Variants in CDK12 observed in about 807,000 individuals in gnomAD.
The protein encoded by CDK12 is cyclin-dependent kinase 12.
CDK12 carries 17 observed loss-of-function variants against 133.8 expected under a neutral mutation model. The observed-to-expected ratio is 0.13, with a 90% CI of 0.09 to 0.19. The LOEUF (loss-of-function observed/expected upper bound fraction) is 0.19. Ranked by LOEUF, CDK12 falls within the 10% of genes least tolerant of loss-of-function variation. The pLI is 1.00. For synonymous variants in CDK12, 694 were observed against 683.6 expected, an observed-to-expected ratio of 1.02 and a Z score of -0.24; for missense variants, 1,508 against 1,818.7, an observed-to-expected ratio of 0.83 and a Z score of 3.11.
intron 2 of CDK12, among the ~76,000 whole-genome samples, chr17:39,485,407 C>CA (rs1261851761): frequency 6.0e-5 from 8 of 133,068 alleles, no homozygotes; most frequent in Admixed American, 2.4e-4. Context: ...GCATCCCCCC[C>CA]CTTTTTTTTT....
intron 1 of CDK12, among the ~76,000 whole-genome samples, chr17:39,464,707 C>G (rs770089740): frequency 6.6e-6 from 1 of 151,558 alleles, no homozygotes; most frequent in African/African-American, 2.4e-5. Context: ...TAGTGAACAC[C>G]CATATATGTA....
intron 6 of CDK12, among the ~76,000 whole-genome samples, chr17:39,505,227 C>CAA (rs149103539): frequency 2.3e-4 from 11 of 47,584 alleles, no homozygotes; most frequent in African/African-American, 5.9e-4. Flanking sequence ...GACTCCGTTT[C>CAA]AAAAAAAAAA....
upstream of CDK12, among the ~76,000 whole-genome samples, chr17:39,547,133 T>TTC (rs2055749939): frequency 6.8e-6 from 1 of 146,110 alleles, no homozygotes; most frequent in African/African-American, 2.6e-5. Flanking sequence ...ACTAGGATTT[T>TTC]TTTTTTTTTT....
chr17:39,478,835 A>G (rs752515486), intron 2 of CDK12, among the ~76,000 whole-genome samples: 1 of 152,066 alleles, frequency 6.6e-6, no homozygotes, highest in Non-Finnish European at 1.5e-5. Flanking sequence ...AGAAAATGAG[A>G]TGAGGATGTC....
chr17:39,505,127 G>A (rs1365147524), intron 6 of CDK12, among the ~76,000 whole-genome samples: 2 of 151,194 alleles, frequency 1.3e-5, no homozygotes, highest in Non-Finnish European at 2.9e-5. Flanking sequence ...TACTTGGGAG[G>A]CTGAGGCAGC....
chr17:39,520,203 G>A (rs1567773394), intron 11 of CDK12, 116 bp downstream of exon 11: 5 of 1,080,060 alleles, frequency 4.6e-6, no homozygotes, highest in Non-Finnish European at 4.0e-6. Flanking sequence ...GTGTCTTTGA[G>A]TATTATGGTT....
chr17:39,559,857 T>TAAAAAAAAAAAAAAAAAAAAGAA (rs56017248), intron 3 of CDK12, among the ~76,000 whole-genome samples: 2 of 133,964 alleles, frequency 1.5e-5, no homozygotes, highest in Non-Finnish European at 3.1e-5. Flanking sequence ...GAAAAAATGT[T>TAAAAAAAAAAAAAAAAAAAAGAA]AAAAAAAAAA....
chr17:39,472,770 T>C lies in CDK12; in HGVS notation c.1931+1007T>C, dbSNP rs189191617. Reference sequence around the variant, plus strand: ...TTTAACATTGACTTAGTAACATCAATAGTTATATAAATAACATGCTATCGG... The same window carrying C: ...TTTAACATTGACTTAGTAACATCAACAGTTATATAAATAACATGCTATCGG... On this transcript the variant is annotated intron_variant, in intron 2 of 13. Coordinates refer to ENST00000447079, the MANE Select transcript of CDK12 (RefSeq NM_016507.4). Among the ~76,000 whole-genome samples the C allele has an allele frequency of 2.7e-3, 414 of 152,104 alleles. 1 individual carries two copies. The highest frequency in any genetic ancestry group is 6.8e-3 in the Middle Eastern group (2 of 294).
intron 1 of CDK12, 53 bp from the exon 2 acceptor site, chr17:39,470,826 C>T (rs1056424565): frequency 2.1e-5 from 29 of 1,386,310 alleles, no homozygotes; most frequent in Non-Finnish European, 2.7e-5. Flanking sequence ...ATCTGTTTTC[C>T]TCCATATACT....
chr17:39,494,156 C>T (rs1375183251), intron 4 of CDK12, among the ~76,000 whole-genome samples: 1 of 152,130 alleles, frequency 6.6e-6, no homozygotes, highest in Non-Finnish European at 1.5e-5. Context: ...TCACCGCAAC[C>T]TCTGCCTCCC....
chr17:39,531,169 G>T lies in CDK12; in HGVS notation c.4326G>T (p.Glu1442Asp). 2 of 1,525,142 alleles carry T rather than the reference G, an allele frequency of 1.3e-6. No homozygotes were observed. Among genetic ancestry groups the T allele is most frequent in the Non-Finnish European group, 1.8e-6 (2 of 1,137,752 alleles). 94.5% of individuals were successfully genotyped at this position (1,525,142 alleles called of 1,614,324 possible). A position where few individuals can be genotyped will look rare whatever the true frequency, so the allele number is the denominator to read the frequency against. ...AGACCAAATTGCAAAACTATGGGGAGCTGGGGCCAGGAACCACTGGGGCCA... is the reference window on the plus strand; with the variant it reads ...AGACCAAATTGCAAAACTATGGGGATCTGGGGCCAGGAACCACTGGGGCCA... Reference protein sequence around the residue: ...HAETKLQNYGELGPGTTGASS... With the variant: ...HAETKLQNYGDLGPGTTGASS... Residue 1442 changes from glutamate (E) to aspartate (D), a missense_variant, in exon 14 of 14, where the codon GAG (glutamate) becomes GAT (aspartate). By Grantham distance (45) the Glu-to-Asp change is conservative. Coordinates refer to ENST00000447079, the MANE Select transcript of CDK12 (RefSeq NM_016507.4).
chr17:39,494,772 T>TA, intron 5 of CDK12, 78 bp downstream of exon 5: 3 of 1,103,470 alleles, frequency 2.7e-6, no homozygotes, highest in Non-Finnish European at 1.3e-6. Flanking sequence ...TTTCTTTCTT[T>TA]CTTTTTTTTT....
At chr17:39,534,727 A>G (rs542618417), downstream of CDK12, 1 of 187,986 alleles carries the variant, frequency 5.3e-6, no homozygotes, top group Admixed American at 6.2e-5. Context: ...TGAAAACGCT[A>G]GACTAGGAAC....
downstream of CDK12, among the ~76,000 whole-genome samples, chr17:39,537,534 T>C (rs1598210376): frequency 1.3e-5 from 2 of 150,642 alleles, no homozygotes; most frequent in Admixed American, 1.3e-4. Context: ...ACTTGGGGTA[T>C]AATTCCTTAT....
chr17:39,494,731 G>T, intron 5 of CDK12, 37 bp downstream of exon 5: 1 of 1,377,324 alleles, frequency 7.3e-7, no homozygotes, highest in Non-Finnish European at 9.8e-7. Context: ...AGGGTAGACT[G>T]GTCCAATCTT....
chr17:39,525,766 ATT>A (rs1481642692), intron 12 of CDK12, 96 bp from the exon 13 acceptor site: 1 of 844,540 alleles, frequency 1.2e-6, no homozygotes. Context: ...ATGAAATTTC[ATT>A]TTTTGGATAT....
At chr17:39,500,373 C>T (rs1256403746) in intron 5 of CDK12, among the ~76,000 whole-genome samples, 1 of 152,000 alleles carries the variant, frequency 6.6e-6, no homozygotes. Flanking sequence ...TGGCTGACGC[C>T]TGTAATCCCA....
chr17:39,540,817 C>A (rs1215857058), intron 1 of CDK12, among the ~76,000 whole-genome samples: 2 of 152,196 alleles, frequency 1.3e-5, no homozygotes, highest in African/African-American at 2.4e-5. Flanking sequence ...TAGCCAGCCC[C>A]AACGGCAGCT....
In CDK12 at chr17:39,520,103, C is replaced by T. The variant is rs749044830; in HGVS notation, c.3095+16C>T. 12 of 1,613,430 alleles carry T rather than the reference C, an allele frequency of 7.4e-6. No homozygotes were observed. Among genetic ancestry groups the T allele is most frequent in the East Asian group, 2.2e-5 (1 of 44,868 alleles). ...CTCCTCCAGAGTAAGTGCTGGTAGC[C>T]ATGTTGTGACCCTAAATCTTTCCCT... On this transcript the variant is annotated intron_variant, in intron 11 of 13. Transcript: ENST00000447079.
Sources: gnomAD v4.1 joint callset for allele counts (sites outside exome capture counted in the v4.1 genomes callset) on GRCh38, gnomAD v4.1.1 for gene constraint, MANE v1.5 for transcripts, NCBI Gene and HGNC (gene_info 2026-07-23, HGNC 2026-07-21) for gene names.